FAT4: variants seen among roughly 807,000 people sequenced by gnomAD.
FAT4 encodes the protein protocadherin Fat 4.
A neutral mutation model predicts 303.9 loss-of-function variants in FAT4; 84 were observed. The observed-to-expected ratio is 0.28, with a 90% CI of 0.23 to 0.33. FAT4 has a LOEUF of 0.33. FAT4 is among the 10% of genes least tolerant of loss of function. The probability of loss-of-function intolerance (pLI) is 1.00; values close to 1 mark genes in which losing one functional copy is unlikely to be tolerated. For missense variants in FAT4, 6,005 were observed against 6,146.8 expected, an observed-to-expected ratio of 0.98 and a Z score of 0.77; for synonymous variants, 2,307 against 2,298.8, an observed-to-expected ratio of 1.00 and a Z score of -0.10.
rs1176248560 is a variant in FAT4 at position 125,316,608 on chromosome 4, C to T, written c.197C>T (p.Thr66Met). The T allele has an allele frequency of 3.7e-6, 6 of 1,613,870 alleles. No homozygotes were observed. The African/African-American group carries it at 8.0e-5, about 22-fold the overall frequency. ...PPGTLVGTIQ[T>M]RPGFTYRLSE... is the part of the protein sequence containing the mutation. ...GGCACTCTGGTAGGCACCATCCAGA[C>T]GCGCCCCGGCTTCACCTACAGGCTC... The change falls in exon 2 of 18, where the codon ACG becomes ATG. Residue 66 changes from threonine to methionine, a missense_variant. Coordinates refer to ENST00000394329, the MANE Select transcript of FAT4 (RefSeq NM_001291303.3). The surrounding 1 kb of genome is among the most constrained non-coding windows in gnomAD (Gnocchi z 5.7).
intron 10 of FAT4, among the ~76,000 whole-genome samples, chr4:125,461,561 A>G (rs1726485586): frequency 6.6e-6 from 1 of 152,022 alleles, no homozygotes; most frequent in African/African-American, 2.4e-5. Flanking sequence ...ACACACTTAT[A>G]AATACATATA....
chr4:125,359,648 A>G (rs1732575677), intron 2 of FAT4, among the ~76,000 whole-genome samples: 1 of 152,194 alleles, frequency 6.6e-6, no homozygotes. Context: ...TGAGTATCAT[A>G]ACCAAAAGAG....
At chr4:125,368,011 C>T (rs1048125501) in intron 2 of FAT4, among the ~76,000 whole-genome samples, 3 of 152,032 alleles carry the variant, frequency 2.0e-5, no homozygotes, top group South Asian at 2.1e-4. Flanking sequence ...TTCCCCCTTC[C>T]GTTTAAGGTT....
In FAT4 at chr4:125,450,190, A is replaced by G. The variant is rs762722859; in HGVS notation, c.9180A>G (p.Thr3060=). The G allele has an allele frequency of 6.2e-6, 10 of 1,613,892 alleles. No homozygotes were observed. The South Asian group carries it at 9.9e-5, about 16-fold the overall frequency. The change falls in exon 10 of 18, where the codon ACA becomes ACG. Residue 3060 remains threonine (T), a synonymous_variant. Transcript: ENST00000394329. ...ISDLNQNFFI[T]VTAKDKGNPP... The stretch of plus-strand genomic sequence containing the variant: ...ACTTGAACCAAAACTTTTTTATCAC[A>G]GTCACTGCAAAGGATAAGGGAAACC...
intron 7 of FAT4, among the ~76,000 whole-genome samples, chr4:125,417,693 C>G (rs548837939): frequency 6.6e-6 from 1 of 152,226 alleles, no homozygotes; most frequent in Non-Finnish European, 1.5e-5. Context: ...ATGGGAGGCA[C>G]AAATGAGTTT....
rs1473441139 is a variant in FAT4, at chr4:125,437,055, A to G, written c.7199+2630A>G. Reference sequence around the variant, plus strand: ...TTTTTAGTTGAGATGGGGTTTCACCATGTTGGCCACACTGGTCTCCAACTC... The same window carrying G: ...TTTTTAGTTGAGATGGGGTTTCACCGTGTTGGCCACACTGGTCTCCAACTC... On this transcript the variant is annotated intron_variant, in intron 8 of 17. Transcript: ENST00000394329. Among the ~76,000 whole-genome samples the G allele has an allele frequency of 2.0e-5, 3 of 152,004 alleles. No individual in the cohort carries two copies. The East Asian group carries it at 5.8e-4, about 30-fold the overall frequency.
intron 2 of FAT4, among the ~76,000 whole-genome samples, chr4:125,340,351 T>C (rs1731735190): frequency 6.6e-6 from 1 of 151,944 alleles, no homozygotes; most frequent in Admixed American, 6.6e-5. Context: ...GGGATTCTGA[T>C]GCAAATGTCT....
At chr4:125,410,706 G>A (rs1734806427) in intron 5 of FAT4, among the ~76,000 whole-genome samples, 1 of 151,914 alleles carries the variant, frequency 6.6e-6, no homozygotes. Flanking sequence ...GGGAAACTGC[G>A]AAGATACCAA....
rs1357768823 is a variant in FAT4 at position 125,347,171 on chromosome 4, A to G, written c.5175+25585A>G. 3.3e-5 allele frequency among the ~76,000 whole-genome samples: 5 copies of G among 151,176 alleles called. No homozygotes were observed. In the Admixed American group the frequency reaches 3.3e-4, roughly 10 times the overall value. On this transcript the variant is annotated intron_variant, in intron 2 of 17. Transcript: ENST00000394329. ...TAGGCATTTTTTCCAAACCATAGAT[A>G]TATATTACCAATCATATGTTATAAA...
chr4:125,364,583 C>T (rs549402420), intron 2 of FAT4, among the ~76,000 whole-genome samples: 8 of 151,676 alleles, frequency 5.3e-5, no homozygotes, highest in Admixed American at 1.3e-4. Context: ...AACTGCGATA[C>T]GAAGGATCGC....
At position 125,446,831 on chromosome 4, in the gene FAT4, C is replaced by T. The variant is rs10084892; in HGVS notation, c.7450+288C>T. Among the ~76,000 whole-genome samples the T allele has an allele frequency of 0.8, 121,735 of 151,668 alleles. 49,445 individuals carry two copies. Among genetic ancestry groups the T allele is most frequent in the Non-Finnish European group, 0.88 (59,842 of 67,912 alleles). On this transcript the variant is annotated intron_variant, in intron 9 of 17. Coordinates refer to ENST00000394329, the MANE Select transcript of FAT4 (RefSeq NM_001291303.3). ...ATAATTAACATATATATTACATCAT[C>T]GTTAATGATGTTTATGGCCTGAGGT...
chr4:125,425,644 C>T lies in FAT4; in HGVS notation c.7019-8601C>T, dbSNP rs77782284. ...CGAATCTTAGATATTATACTATGAA[C>T]GTACAATACATATGATATGCTCATA... is the stretch of plus-strand genomic sequence containing the variant. On this transcript the variant is annotated intron_variant, in intron 7 of 17. Transcript: ENST00000394329. Among the ~76,000 whole-genome samples, 885 of 152,122 alleles carry T rather than the reference C, an allele frequency of 5.8e-3. 40 individuals carry two copies. In the East Asian group the frequency reaches 0.083, roughly 14 times the overall value.
intron 2 of FAT4, among the ~76,000 whole-genome samples, chr4:125,395,139 A>G (rs147201553): frequency 2.0e-5 from 3 of 152,240 alleles, no homozygotes; most frequent in East Asian, 3.9e-4. Flanking sequence ...TAATGAGTTC[A>G]GATCTTCTCT....
At chr4:125,467,669 G>A (rs531000231) in intron 11 of FAT4, among the ~76,000 whole-genome samples, 1 of 152,088 alleles carries the variant, frequency 6.6e-6, no homozygotes, top group African/African-American at 2.4e-5. Flanking sequence ...TTAAAAGACA[G>A]TTATTTCCTT....
intron 2 of FAT4, among the ~76,000 whole-genome samples, chr4:125,330,798 C>A (rs963502788): frequency 4.6e-5 from 7 of 152,130 alleles, no homozygotes; most frequent in Non-Finnish European, 8.8e-5. Context: ...TAGATCATTT[C>A]ATTTGCCCAA....
intron 5 of FAT4, among the ~76,000 whole-genome samples, chr4:125,411,259 A>G (rs183959794): frequency 1.3e-5 from 2 of 152,170 alleles, no homozygotes; most frequent in Admixed American, 6.5e-5. Context: ...AACATAAATC[A>G]GATCTTTTAC....
rs1302137252 is a variant in FAT4 at position 125,319,297 on chromosome 4, C to T, written c.2886C>T (p.Tyr962=). The T allele has an allele frequency of 1.2e-5, 20 of 1,613,968 alleles. No individual in the cohort carries two copies. Among genetic ancestry groups the T allele is most frequent in the Non-Finnish European group, 1.7e-5 (20 of 1,180,016 alleles). The change falls in exon 2 of 18, where the codon TAC becomes TAT. Residue 962 remains tyrosine (Y), a synonymous_variant. Coordinates refer to ENST00000394329, the MANE Select transcript of FAT4 (RefSeq NM_001291303.3). ...LGPLDVHAGS[Y]QIEILASDMG... ...CCCTGGATGTTCATGCTGGCTCCTA[C>T]CAAATAGAGATCTTGGCATCTGACA...
At chr4:125,425,591 A>G (rs1725059399) in intron 7 of FAT4, among the ~76,000 whole-genome samples, 1 of 152,130 alleles carries the variant, frequency 6.6e-6, no homozygotes, top group Non-Finnish European at 1.5e-5. Flanking sequence ...TATGTATCCA[A>G]GGGTTTTATT....
chr4:125,360,655 C>T (rs1732617395), intron 2 of FAT4, among the ~76,000 whole-genome samples: 2 of 152,078 alleles, frequency 1.3e-5, no homozygotes, highest in Admixed American at 1.3e-4. Context: ...TTACAATAAA[C>T]CTATGCTATT....
Sources: gnomAD v4.1 joint callset for allele counts (sites outside exome capture counted in the v4.1 genomes callset) on GRCh38, gnomAD v4.1.1 for gene constraint, Gnocchi (gnomAD v3.1) non-coding constraint, MANE v1.5 for transcripts, NCBI Gene and HGNC (gene_info 2026-07-23, HGNC 2026-07-21) for gene names.